The following SYNE1 variants were observed in gnomAD, a reference collection of about 807,000 sequenced individuals.
The protein encoded by SYNE1 is spectrin repeat containing nuclear envelope protein 1.
SYNE1 carries 616 observed loss-of-function variants against 1,111.0 expected under a neutral mutation model. The observed-to-expected ratio is 0.55, with a 90% CI of 0.52 to 0.59. SYNE1 has a LOEUF of 0.59. SYNE1 is among the 20% of genes least tolerant of loss of function. The pLI, the probability that SYNE1 is intolerant of heterozygous loss-of-function variation, is 0.00. For missense variants in SYNE1, 10,006 were observed against 10,417.0 expected (o/e 0.96, Z 1.72); for synonymous variants, 3,855 against 3,825.8 (o/e 1.01, Z -0.28).
At position 152,353,437 on chromosome 6, in the gene SYNE1, T is replaced by C. The variant is rs764920428; in HGVS notation, c.11083-4A>G. The C allele has an allele frequency of 4.3e-6, 7 of 1,614,148 alleles. No individual in the cohort carries two copies. Among genetic ancestry groups the C allele is most frequent in the Non-Finnish European group, 5.9e-6 (7 of 1,180,030 alleles). ...CCTCCAGGAATTTTATTTGTTCCTA[T>C]GAAAGAAAAGAGAAAATTGAATGGT... On this transcript the variant is annotated splice_polypyrimidine_tract_variant and splice_region_variant and intron_variant, in intron 68 of 145. Coordinates refer to ENST00000367255, the MANE Select transcript of SYNE1 (RefSeq NM_182961.4).
rs1370027320 is a variant in SYNE1 at position 152,321,784 on chromosome 6, C to T, written c.16020G>A (p.Gln5340=). ...TQINSVKCWV[Q]ETKEYLGNPT... is the part of the protein sequence containing the mutation. Reference sequence around the variant, plus strand: ...GATTCCCTAAATATTCTTTCGTTTCCTGAACCCAACATTTCACAGAATTGA... The same window carrying T: ...GATTCCCTAAATATTCTTTCGTTTCTTGAACCCAACATTTCACAGAATTGA... The change falls in exon 83 of 146, where the codon CAG becomes CAA. Residue 5340 remains glutamine, a synonymous_variant. Coordinates refer to ENST00000367255, the MANE Select transcript of SYNE1 (RefSeq NM_182961.4). The T allele has an allele frequency of 1.2e-6, 2 of 1,613,956 alleles. No individual in the cohort carries two copies. Among genetic ancestry groups the T allele is most frequent in the Admixed American group, 1.7e-5 (1 of 60,016 alleles).
Position 152,396,852 on chromosome 6 carries a change from A to G in SYNE1, c.7479T>C (p.Asn2493=). 1.9e-6 allele frequency: 3 copies of G among 1,614,132 alleles called. No individual in the cohort carries two copies. Among genetic ancestry groups the G allele is most frequent in the Non-Finnish European group, 2.5e-6 (3 of 1,180,012 alleles). The part of the protein sequence containing the change: ...SSIQEQITKA[N]EEFQAFLKQC... ...GTTTCAGAAATGCTTGAAACTCTTCATTGGCCTTTGTGATTTGTTCTTGAA... is the reference window on the plus strand; with the variant it reads ...GTTTCAGAAATGCTTGAAACTCTTCGTTGGCCTTTGTGATTTGTTCTTGAA... Residue 2493 remains asparagine (N), a synonymous_variant, in exon 50 of 146, where the codon AAT becomes AAC. Transcript: ENST00000367255.
At chr6:152,514,636 A>T (rs1031311778) in intron 6 of SYNE1, among the ~76,000 whole-genome samples, 9 of 151,428 alleles carry the variant, frequency 5.9e-5, no homozygotes, top group Non-Finnish European at 1.5e-5. Flanking sequence ...TTAAAAAAAT[A>T]ATAAAAAAAA....
chr6:152,232,956 G>A (rs985905505), intron 112 of SYNE1, among the ~76,000 whole-genome samples: 1 of 152,210 alleles, frequency 6.6e-6, no homozygotes, highest in African/African-American at 2.4e-5. Context: ...TTGCTTAGGA[G>A]AGATTAGGCA....
At chr6:152,512,821 T>C (rs764738724) in intron 6 of SYNE1, among the ~76,000 whole-genome samples, 4 of 152,186 alleles carry the variant, frequency 2.6e-5, no homozygotes, top group Non-Finnish European at 4.4e-5. Flanking sequence ...CAAAATCCTA[T>C]TGAACTTACA....
intron 145 of SYNE1, chr6:152,125,468 C>T: frequency 7.7e-7 from 1 of 1,296,868 alleles, no homozygotes; most frequent in Non-Finnish European, 1.0e-6. Flanking sequence ...TCTCTCTGGC[C>T]TTCAGTTTTC....
At chr6:152,565,545 C>T (rs2099410379) in intron 3 of SYNE1, among the ~76,000 whole-genome samples, 1 of 152,084 alleles carries the variant, frequency 6.6e-6, no homozygotes, top group Admixed American at 6.5e-5. Context: ...ATTAAATCTT[C>T]AACCTTATAA....
intron 58 of SYNE1, among the ~76,000 whole-genome samples, chr6:152,375,264 A>G (rs2097260194): frequency 6.6e-6 from 1 of 152,156 alleles, no homozygotes; most frequent in Admixed American, 6.5e-5. Flanking sequence ...TAAATGGAGC[A>G]AATTTTCACA....
rs747989712 is a variant in SYNE1, at chr6:152,323,560, G to A, written c.15835C>T (p.Leu5279Phe). 6.2e-7 allele frequency: 1 copy of A among 1,614,260 alleles called. No homozygotes were observed. The highest frequency in any genetic ancestry group is 8.5e-7 in the Non-Finnish European group (1 of 1,180,042). Residue 5279 changes from leucine to phenylalanine, a missense_variant, in exon 82 of 146, where the codon CTC becomes TTC. Physicochemically the swap from Leu to Phe is conservative, Grantham distance 22 (BLOSUM62 0). This residue lies in a region of SYNE1 where 4,955 missense variants were observed against 5,017.2 expected (regional missense o/e 0.99). Transcript: ENST00000367255. Reference sequence around the variant, plus strand: ...GGGGTTGGGGCGGCTCCATCCTGGAGCATGCTCAGGGTTTGCTGCCGCAGC... The same window carrying A: ...GGGGTTGGGGCGGCTCCATCCTGGAACATGCTCAGGGTTTGCTGCCGCAGC... The part of the protein sequence containing the change: ...GMLRQQTLSM[L>F]QDGAAPTPGE...
intron 2 of SYNE1, among the ~76,000 whole-genome samples, chr6:152,630,782 G>T (rs2099696627): frequency 5.9e-5 from 9 of 152,130 alleles, no homozygotes; most frequent in Admixed American, 5.9e-4. Flanking sequence ...CTTCAATCAA[G>T]AATTATGGAA....
chr6:152,475,571 A>G (rs552053106), intron 14 of SYNE1, among the ~76,000 whole-genome samples: 113 of 152,350 alleles, frequency 7.4e-4, no homozygotes, highest in Non-Finnish European at 1.3e-3. Flanking sequence ...AATTAATTGC[A>G]TAAAGATTAA....
rs1234579443 is a variant in SYNE1 at position 152,148,101 on chromosome 6, T to C, written c.24920A>G (p.Asp8307Gly). 34 of 1,614,062 alleles carry C rather than the reference T, an allele frequency of 2.1e-5. No individual in the cohort carries two copies. Among genetic ancestry groups the C allele is most frequent in the Middle Eastern group, 3.3e-4 (2 of 6,084 alleles). Residue 8307 changes from aspartate to glycine, a missense_variant, in exon 137 of 146, where the codon GAT (aspartate) becomes GGT (glycine). Transcript: ENST00000367255. The surrounding 1 kb of genome is among the most constrained non-coding windows in gnomAD (Gnocchi z 4.1). The part of the protein sequence containing the change: ...SAMSRALPSE[D>G]EEGQDDKDFY... ...ATCTTTGTCATCCTGACCTTCTTCA[T>C]CCTCAGAGGGCAGAGCTCTGGACAT...
chr6:152,507,683 A>G (rs1564527484), intron 8 of SYNE1, among the ~76,000 whole-genome samples: 1 of 152,194 alleles, frequency 6.6e-6, no homozygotes, highest in East Asian at 1.9e-4. Context: ...GCTTTTAAAT[A>G]ACTACATATA....
chr6:152,454,174 GT>G (rs2098676086), intron 24 of SYNE1, among the ~76,000 whole-genome samples: 1 of 113,012 alleles, frequency 8.8e-6, no homozygotes, highest in African/African-American at 4.6e-5. Flanking sequence ...ATTCACACAT[GT>G]GCACACAGAA....
intron 115 of SYNE1, among the ~76,000 whole-genome samples, chr6:152,226,950 A>G (rs2081723086): frequency 6.6e-6 from 1 of 152,310 alleles, no homozygotes; most frequent in African/African-American, 2.4e-5. Context: ...TAGTTCTTGG[A>G]GATTCGAATG....
At chr6:152,366,440 T>C (rs1344269449) in intron 62 of SYNE1, among the ~76,000 whole-genome samples, 3 of 152,070 alleles carry the variant, frequency 2.0e-5, no homozygotes, top group Non-Finnish European at 4.4e-5. Context: ...GGCAAGAAGA[T>C]TGCTTGAGTT....
chr6:152,390,431 C>G lies in SYNE1; in HGVS notation c.8026G>C (p.Glu2676Gln). 6.2e-7 allele frequency: 1 copy of G among 1,614,090 alleles called. No individual in the cohort carries two copies. Among genetic ancestry groups the G allele is most frequent in the Non-Finnish European group, 8.5e-7 (1 of 1,180,014 alleles). ...GCCATATTCAACTTAACTTCCCCTT[C>G]ACCTTTCATCAGGAGAATATCCTGG... Reference protein sequence around the residue: ...QIQDILLMKGEGEVKLNMAIG... With the variant: ...QIQDILLMKGQGEVKLNMAIG... The change falls in exon 53 of 146, where the codon GAA becomes CAA. Residue 2676 changes from glutamate (E) to glutamine (Q), a missense_variant. Glu to Gln is a conservative substitution (Grantham distance 29). Coordinates refer to ENST00000367255, the MANE Select transcript of SYNE1 (RefSeq NM_182961.4).
At chr6:152,321,214 A>G in intron 84 of SYNE1, 24 bp downstream of exon 84, 1 of 1,612,756 alleles carries the variant, frequency 6.2e-7, no homozygotes, top group Non-Finnish European at 8.5e-7. Context: ...ATGGAAAGAC[A>G]CTCTTTCTTG....
rs1234550567 is a variant in SYNE1, at chr6:152,399,656, G to C, written c.7197C>G (p.Thr2399=). 1 of 1,614,124 alleles carries C rather than the reference G, an allele frequency of 6.2e-7. No individual in the cohort carries two copies. The highest frequency in any genetic ancestry group is 1.1e-5 in the South Asian group (1 of 91,082). ...HEAVSQLCSK[T]QASLQESLEK... The stretch of plus-strand genomic sequence containing the variant: ...CCAGAGATTCCTGCAGGCTGGCCTG[G>C]GTTTTGGAGCACAACTGGCTCACGG... Residue 2399 remains threonine (T), a synonymous_variant, in exon 48 of 146, where the codon ACC becomes ACG. Coordinates refer to ENST00000367255, the MANE Select transcript of SYNE1 (RefSeq NM_182961.4).
Sources: allele counts gnomAD v4.1 joint callset (sites outside exome capture counted in the v4.1 genomes callset), GRCh38; gene constraint gnomAD v4.1.1; regional missense constraint gnomAD v4.1.1; non-coding constraint Gnocchi (gnomAD v3.1); transcripts MANE v1.5; gene names NCBI Gene and HGNC (gene_info 2026-07-23, HGNC 2026-07-21).